Variants in FOXP2 observed in about 807,000 individuals in gnomAD.
FOXP2 encodes the protein forkhead box P2, also known as forkhead box protein P2.
FOXP2 carries 12 observed loss-of-function variants against 115.8 expected under a neutral mutation model. The observed-to-expected ratio is 0.10, with a 90% CI of 0.07 to 0.17. The LOEUF (loss-of-function observed/expected upper bound fraction) is 0.17. Ranked by LOEUF, FOXP2 falls within the 10% of genes least tolerant of loss-of-function variation. FOXP2 has a pLI of 1.00. For synonymous variants in FOXP2, 328 were observed against 297.7 expected (o/e 1.10, Z -1.05); for missense variants, 629 against 843.5 (o/e 0.75, Z 3.15).
intron 1 of FOXP2, among the ~76,000 whole-genome samples, chr7:114,239,635 GGAA>G (rs1423160042): frequency 6.6e-6 from 1 of 152,030 alleles, no homozygotes; most frequent in Non-Finnish European, 1.5e-5. Context: ...TAGAATTTCA[GGAA>G]TATGAGAATT....
In FOXP2 at chr7:114,157,164, T is replaced by TTAC. The variant is rs1792693709; in HGVS notation, c.-246-5780_-246-5779insTAC. Among the ~76,000 whole-genome samples, 3 of 152,148 alleles carry TTAC rather than the reference T, an allele frequency of 2.0e-5. No homozygotes were observed. In the South Asian group the frequency reaches 6.2e-4, roughly 31 times the overall value. The stretch of plus-strand genomic sequence containing the variant: ...AAATGACTCAGTAATTTCTTCATAA[T>TTAC]AAAGTTACATTGTTAAGAAAAACAC... On this transcript the variant is annotated intron_variant, in intron 1 of 19. Coordinates refer to the FOXP2 transcript ENST00000635638.
chr7:114,486,646 C>T (rs1283746208), intron 2 of FOXP2, among the ~76,000 whole-genome samples: 1 of 152,168 alleles, frequency 6.6e-6, no homozygotes, highest in African/African-American at 2.4e-5. Context: ...AAAAGCAAGT[C>T]AGTTACTTTC....
chr7:114,413,549 G>T (rs1052506436), upstream of FOXP2, among the ~76,000 whole-genome samples: 2 of 152,006 alleles, frequency 1.3e-5, no homozygotes, highest in African/African-American at 4.8e-5. Flanking sequence ...ATTGCTAACA[G>T]AATATTAAAC....
At chr7:114,495,698 G>T (rs1797291539) in intron 2 of FOXP2, among the ~76,000 whole-genome samples, 1 of 151,324 alleles carries the variant, frequency 6.6e-6, no homozygotes. Context: ...GTAGAGACAG[G>T]TTTTCGCCAT....
At chr7:114,253,020 T>C (rs1795494892) in intron 1 of FOXP2, among the ~76,000 whole-genome samples, 1 of 152,178 alleles carries the variant, frequency 6.6e-6, no homozygotes, top group Non-Finnish European at 1.5e-5. Flanking sequence ...TCCAAGAACA[T>C]CATTATTTCT....
At chr7:114,152,642 T>A (rs1287217679) in intron 1 of FOXP2, among the ~76,000 whole-genome samples, 2 of 152,140 alleles carry the variant, frequency 1.3e-5, no homozygotes, top group African/African-American at 4.8e-5. Context: ...AAAAGACAAC[T>A]GTGATTTCTG....
chr7:114,439,296 C>G (rs1794494604), intron 2 of FOXP2, among the ~76,000 whole-genome samples: 1 of 152,112 alleles, frequency 6.6e-6, no homozygotes, highest in South Asian at 2.1e-4. Context: ...GTATTTCAGT[C>G]TTATTTTATG....
At chr7:114,641,963 A>G (rs1805558496) in intron 6 of FOXP2, among the ~76,000 whole-genome samples, 1 of 151,656 alleles carries the variant, frequency 6.6e-6, no homozygotes, top group South Asian at 2.1e-4. Context: ...GTGACATCAC[A>G]CCCAGCTCAT....
intron 2 of FOXP2, among the ~76,000 whole-genome samples, chr7:114,445,259 A>G (rs1455887020): frequency 6.6e-6 from 1 of 152,128 alleles, no homozygotes; most frequent in Non-Finnish European, 1.5e-5. Flanking sequence ...TCTTAGAACT[A>G]TTTGAAGAAC....
At chr7:114,346,163 T>C (rs558120999) in intron 2 of FOXP2, among the ~76,000 whole-genome samples, 1 of 151,972 alleles carries the variant, frequency 6.6e-6, no homozygotes, top group East Asian at 1.9e-4. Context: ...TAAAATAATT[T>C]ATCAGGAGTA....
chr7:114,107,075 T>C (rs955868326), intron 1 of FOXP2, among the ~76,000 whole-genome samples: 2 of 152,020 alleles, frequency 1.3e-5, no homozygotes, highest in African/African-American at 4.8e-5. Context: ...TTCTATGTCA[T>C]TTGATTTGGT....
chr7:114,127,925 A>G (rs1791762121), intron 1 of FOXP2, among the ~76,000 whole-genome samples: 1 of 152,188 alleles, frequency 6.6e-6, no homozygotes, highest in Admixed American at 6.5e-5. Context: ...AAATAAAGAA[A>G]TGTGTAAGTA....
At chr7:114,137,415 C>T (rs1792069236) in intron 1 of FOXP2, among the ~76,000 whole-genome samples, 1 of 152,088 alleles carries the variant, frequency 6.6e-6, no homozygotes, top group African/African-American at 2.4e-5. Context: ...GAAGTAAACA[C>T]ATCTTTTGTT....
intron 2 of FOXP2, among the ~76,000 whole-genome samples, chr7:114,530,067 A>T (rs1038018099): frequency 6.6e-6 from 1 of 151,028 alleles, no homozygotes; most frequent in Non-Finnish European, 1.5e-5. Context: ...CCTGCTGGCA[A>T]TTTTTTTTTG....
intron 2 of FOXP2, among the ~76,000 whole-genome samples, chr7:114,529,915 A>G (rs1799058908): frequency 6.6e-6 from 1 of 151,944 alleles, no homozygotes; most frequent in African/African-American, 2.4e-5. Context: ...TATACTTTTT[A>G]TCAACCACAC....
rs1808792678 is a variant in FOXP2 at position 114,693,707 on chromosome 7, T to C, written c.*3781T>C. 2 of 343,244 alleles carry C rather than the reference T, an allele frequency of 5.8e-6. No homozygotes were observed. The highest frequency in any genetic ancestry group is 1.1e-5 in the Non-Finnish European group (2 of 176,318). 21.3% of individuals were successfully genotyped at this position (343,244 alleles called of 1,614,324 possible). On this transcript the variant is annotated 3_prime_UTR_variant, in exon 17 of 17. Transcript: ENST00000350908. ...ATGTAAAAATGTATATGAAACCATT[T>C]CATTCACTTGATTACATTTCTGAAG...
At chr7:114,448,490 T>A (rs1020418054) in intron 2 of FOXP2, among the ~76,000 whole-genome samples, 1 of 152,102 alleles carries the variant, frequency 6.6e-6, no homozygotes, top group African/African-American at 2.4e-5. Context: ...ATGTAAGAAA[T>A]CTAATTTAAA....
At chr7:114,494,170 C>G (rs1797202556) in intron 2 of FOXP2, among the ~76,000 whole-genome samples, 1 of 151,828 alleles carries the variant, frequency 6.6e-6, no homozygotes, top group Admixed American at 6.6e-5. Flanking sequence ...AGACATTTTG[C>G]CCAAAGTGAT....
At chr7:114,637,052 T>C (rs1034382567) in intron 6 of FOXP2, among the ~76,000 whole-genome samples, 5 of 152,088 alleles carry the variant, frequency 3.3e-5, no homozygotes, top group African/African-American at 9.7e-5. Context: ...CGTATGCCTG[T>C]GGTCGGTCAC....
Sources: gnomAD v4.1 joint callset for allele counts (sites outside exome capture counted in the v4.1 genomes callset) on GRCh38, gnomAD v4.1.1 for gene constraint, MANE v1.5 for transcripts, NCBI Gene and HGNC (gene_info 2026-07-23, HGNC 2026-07-21) for gene names.